The following CCDC60 variants were observed in gnomAD, a reference collection of about 807,000 sequenced individuals.
The protein encoded by CCDC60 is coiled-coil domain-containing protein 60.
Under a neutral mutation model 63.5 loss-of-function variants are expected in CCDC60, and 54 were observed. The observed-to-expected ratio is 0.85, with a 90% CI of 0.68 to 1.07. The LOEUF is 1.07. CCDC60 is among the 50% of genes least tolerant of loss of function. The pLI is 0.00. For missense variants in CCDC60, 651 were observed against 684.3 expected (o/e 0.95, Z 0.54); for synonymous variants, 206 against 238.8 (o/e 0.86, Z 1.27).
At chr12:119,479,374 C>G in intron 4 of CCDC60, 173 bp downstream of exon 4, 1 of 580,888 alleles carries the variant, frequency 1.7e-6, no homozygotes, top group Non-Finnish European at 3.1e-6. Context: ...AAAGTAGACA[C>G]AGTGGTTTAC....
intron 1 of CCDC60, among the ~76,000 whole-genome samples, chr12:119,363,226 G>A (rs1955808595): frequency 6.6e-6 from 1 of 152,246 alleles, no homozygotes; most frequent in African/African-American, 2.4e-5. Flanking sequence ...CCTCTCTGGT[G>A]AGTGTGTAGT....
intron 11 of CCDC60, among the ~76,000 whole-genome samples, chr12:119,524,716 C>CTTTTTTTTTTTTTTTTTTTTT (rs1416953138): frequency 1.3e-4 from 12 of 90,578 alleles, no homozygotes; most frequent in African/African-American, 5.3e-4. Context: ...CTTTTCTTTT[C>CTTTTTTTTTTTTTTTTTTTTT]TTTTCTTTTT....
chr12:119,390,325 G>A (rs1053856756), intron 1 of CCDC60, among the ~76,000 whole-genome samples: 1 of 152,104 alleles, frequency 6.6e-6, no homozygotes, highest in African/African-American at 2.4e-5. Flanking sequence ...GCAGATCAGG[G>A]CCCTAAAACA....
rs1314812718 is a variant in CCDC60, at chr12:119,435,714, T to TGTATCGGTCA, written c.170+6954_170+6963dup. Among the ~76,000 whole-genome samples, 3 of 152,352 alleles carry TGTATCGGTCA rather than the reference T, an allele frequency of 2.0e-5. No homozygotes were observed. In the East Asian group the frequency reaches 5.8e-4, roughly 29 times the overall value. On this transcript the variant is annotated intron_variant, in intron 2 of 13. Transcript: ENST00000327554. ...AGTTCAGAGATCTACTCAAAGTCAT[T>TGTATCGGTCA]GTATCGGTCAGCTGTTGCTGCATAA...
chr12:119,375,044 A>T (rs1305650244), intron 1 of CCDC60, among the ~76,000 whole-genome samples: 2 of 152,140 alleles, frequency 1.3e-5, no homozygotes, highest in Non-Finnish European at 2.9e-5. Context: ...CAGTCCTGCC[A>T]ACCGCCTATC....
At chr12:119,416,015 C>T (rs1006503725) in intron 1 of CCDC60, among the ~76,000 whole-genome samples, 5 of 152,164 alleles carry the variant, frequency 3.3e-5, no homozygotes, top group Non-Finnish European at 5.9e-5. Flanking sequence ...TTGACTTAAC[C>T]TCTCAGATAC....
intron 1 of CCDC60, among the ~76,000 whole-genome samples, chr12:119,370,097 G>A (rs1239993989): frequency 2.0e-5 from 3 of 152,144 alleles, no homozygotes; most frequent in Non-Finnish European, 4.4e-5. Context: ...GTCACTTAAC[G>A]TGTTCCAACA....
At chr12:119,399,131 A>G (rs1956340710) in intron 1 of CCDC60, among the ~76,000 whole-genome samples, 1 of 152,232 alleles carries the variant, frequency 6.6e-6, no homozygotes, top group Non-Finnish European at 1.5e-5. Flanking sequence ...GTGGGGTATG[A>G]ATATTTCATC....
chr12:119,524,702 G>GTTTT (rs1952632184), intron 11 of CCDC60, among the ~76,000 whole-genome samples: 3 of 121,456 alleles, frequency 2.5e-5, no homozygotes, highest in Admixed American at 8.6e-5. Context: ...GGAAACAGCA[G>GTTTT]TTTCTTTTCT....
chr12:119,406,121 A>G (rs1956484021), intron 1 of CCDC60, among the ~76,000 whole-genome samples: 1 of 152,118 alleles, frequency 6.6e-6, no homozygotes, highest in Non-Finnish European at 1.5e-5. Context: ...TGGTGAGCAG[A>G]GATCGTGCCA....
At chr12:119,370,995 G>A (rs1218177389) in intron 1 of CCDC60, among the ~76,000 whole-genome samples, 1 of 152,118 alleles carries the variant, frequency 6.6e-6, no homozygotes, top group Non-Finnish European at 1.5e-5. Context: ...CCATAGCACT[G>A]CACTCCAGCC....
At position 119,395,946 on chromosome 12, in the gene CCDC60, C is replaced by CTT. The variant is rs71072516; in HGVS notation, c.91-32728_91-32727dup. Among the ~76,000 whole-genome samples, 20 of 149,292 alleles carry CTT rather than the reference C, an allele frequency of 1.3e-4. No individual in the cohort carries two copies. The East Asian group carries it at 3.0e-3, about 22-fold the overall frequency. On this transcript the variant is annotated intron_variant, in intron 1 of 13. Transcript: ENST00000327554. ...TCCTCCATCATGCATCCTTTTCTTT[C>CTT]TTTTTTTTTTAGATGGAGTCTCGCT...
In CCDC60 at chr12:119,392,290, C is replaced by T. The variant is rs557517930; in HGVS notation, c.91-36393C>T. Among the ~76,000 whole-genome samples, 42 of 152,274 alleles carry T rather than the reference C, an allele frequency of 2.8e-4. No individual in the cohort carries two copies. The South Asian group carries it at 6.6e-3, about 24-fold the overall frequency. On this transcript the variant is annotated intron_variant, in intron 1 of 13. Transcript: ENST00000327554. ...GCAGCTACTCACAGAGACCCTGTTTCTCTGAGAACTGCCTCCTGTTGGACT... is the reference window on the plus strand; with the variant it reads ...GCAGCTACTCACAGAGACCCTGTTTTTCTGAGAACTGCCTCCTGTTGGACT...
At chr12:119,346,778 TTC>T (rs977543865) in intron 1 of CCDC60, among the ~76,000 whole-genome samples, 4 of 47,626 alleles carry the variant, frequency 8.4e-5, no homozygotes, top group African/African-American at 2.6e-4. Flanking sequence ...ATCTTTCTCT[TTC>T]TTTCTTTCTT....
At chr12:119,346,962 T>C (rs545252247) in intron 1 of CCDC60, among the ~76,000 whole-genome samples, 30 of 151,836 alleles carry the variant, frequency 2.0e-4, no homozygotes, top group African/African-American at 7.2e-4. Context: ...GTAGCTGGGG[T>C]TACAGGCGTG....
At chr12:119,380,577 C>T (rs1015691989) in intron 1 of CCDC60, among the ~76,000 whole-genome samples, 1 of 152,212 alleles carries the variant, frequency 6.6e-6, no homozygotes, top group African/African-American at 2.4e-5. Flanking sequence ...GGGGCAGTTA[C>T]TAACAGCAGA....
At chr12:119,539,741 T>C (rs1241059413) in intron 13 of CCDC60, among the ~76,000 whole-genome samples, 1 of 152,168 alleles carries the variant, frequency 6.6e-6, no homozygotes, top group African/African-American at 2.4e-5. Context: ...AGAAAAAAAC[T>C]CCTGCAGCTA....
chr12:119,428,771 GC>G lies in CCDC60; in HGVS notation c.170+12del. ...GACCTTATACGAAGCCGGTGAGTGA[GC>G]CCAGCAGGGAATGATCCATAGACAA... On this transcript the variant is annotated intron_variant, in intron 2 of 13. Coordinates refer to ENST00000327554, the MANE Select transcript of CCDC60 (RefSeq NM_178499.5). 1 of 1,564,492 alleles carries G rather than the reference GC, an allele frequency of 6.4e-7. No individual in the cohort carries two copies. Among genetic ancestry groups the G allele is most frequent in the Non-Finnish European group, 8.8e-7 (1 of 1,141,934 alleles).
chr12:119,478,834 T>C (rs1007729004), intron 3 of CCDC60, among the ~76,000 whole-genome samples: 13 of 152,114 alleles, frequency 8.5e-5, no homozygotes, highest in Admixed American at 6.5e-5. Context: ...CTTGATCTCC[T>C]GACCTTGTGA....
Sources: allele counts gnomAD v4.1 joint callset (sites outside exome capture counted in the v4.1 genomes callset), GRCh38; gene constraint gnomAD v4.1.1; transcripts MANE v1.5; gene names NCBI Gene and HGNC (gene_info 2026-07-23, HGNC 2026-07-21).